Variants in ZFHX2 observed in about 807,000 individuals in gnomAD.
ZFHX2 encodes zinc finger homeobox protein 2.
In ZFHX2, 75 loss-of-function variants were observed where a neutral mutation model predicts 164.8. The ratio of observed to expected loss-of-function variants is 0.46; its 90% CI spans 0.38 to 0.55. The LOEUF is 0.55. ZFHX2 is among the 20% of genes least tolerant of loss of function. The pLI is 0.00. For synonymous variants in ZFHX2, 1,217 were observed against 1,351.4 expected (o/e 0.90, Z 2.18); for missense variants, 2,933 against 3,308.0 (o/e 0.89, Z 2.78).
chr14:23,527,783 TGCAGTATGGACA>T lies in ZFHX2; in HGVS notation c.2944_2955del (p.Cys982_Cys985del). On this transcript the variant is annotated inframe_deletion, in exon 7 of 10. Coordinates refer to ENST00000419474, the MANE Select transcript of ZFHX2 (RefSeq NM_033400.3). The stretch of plus-strand genomic sequence containing the variant: ...TGGCTGGACTCTGGGCTCAGGAAGC[TGCAGTATGGACA>T]GCAGTATACCTGGAGGGAACATATG... 6.5e-7 allele frequency: 1 copy of T among 1,535,890 alleles called. No individual in the cohort carries two copies.
rs578104878 is a variant in ZFHX2 at position 23,525,149 on chromosome 14, G to C, written c.4793C>G (p.Ser1598Cys). ...PPLVPAGRRFSRTKFTEFQTQ... is the reference protein window; with the variant it reads ...PPLVPAGRRFCRTKFTEFQTQ... ...CTGGAACTCTGTGAACTTGGTTCTG[G>C]AGAACCGGCGGCCGGCAGGCACCAG... is the stretch of plus-strand genomic sequence containing the variant. Residue 1598 changes from serine to cysteine, a missense_variant, in exon 9 of 10, where the codon TCC (serine) becomes TGC (cysteine). Ser to Cys is a moderately radical substitution (Grantham distance 112). Transcript: ENST00000419474. The surrounding 1 kb of genome is among the most constrained non-coding windows in gnomAD (Gnocchi z 5.9). 16 of 1,536,144 alleles carry C rather than the reference G, an allele frequency of 1.0e-5. No individual in the cohort carries two copies. In the African/African-American group the frequency reaches 1.5e-4, roughly 14 times the overall value.
chr14:23,535,103 C>T lies in ZFHX2; in HGVS notation c.223G>A (p.Glu75Lys). 1.3e-6 allele frequency: 2 copies of T among 1,536,202 alleles called. No individual in the cohort carries two copies. The highest frequency in any genetic ancestry group is 1.4e-5 in the African/African-American group (1 of 73,166). The change falls in exon 2 of 10, where the codon GAG (glutamate) becomes AAG (lysine). Residue 75 changes from glutamate to lysine, a missense_variant. Coordinates refer to ENST00000419474, the MANE Select transcript of ZFHX2 (RefSeq NM_033400.3). The surrounding 1 kb of genome is among the most constrained non-coding windows in gnomAD (Gnocchi z 4.5). Reference protein sequence around the residue: ...CGLVPPKEIGEPQEGPDCGHF... With the variant: ...CGLVPPKEIGKPQEGPDCGHF... ...CCACAGTCAGGCCCTTCCTGGGGCT[C>T]CCCAATCTCCTTTGGTGGGACGAGG... is the stretch of plus-strand genomic sequence containing the variant.
At position 23,525,388 on chromosome 14, in the gene ZFHX2, C is replaced by T. The variant is rs1311257453; in HGVS notation, c.4554G>A (p.Gln1518=). 2 of 1,536,152 alleles carry T rather than the reference C, an allele frequency of 1.3e-6. No individual in the cohort carries two copies. The highest frequency in any genetic ancestry group is 2.4e-5 in the South Asian group (2 of 84,060). ...ATAGGCTGTCATAGCTCTTTCGAAACTGAGCAGCATAACGGCTCAGGGCTT... is the reference window on the plus strand; with the variant it reads ...ATAGGCTGTCATAGCTCTTTCGAAATTGAGCAGCATAACGGCTCAGGGCTT... ...PFEALSRYAA[Q]FRKSYDSLYP... The change falls in exon 9 of 10, where the codon CAG becomes CAA. Residue 1518 remains glutamine (Q), a synonymous_variant. Transcript: ENST00000419474. The surrounding 1 kb of genome is among the most constrained non-coding windows in gnomAD (Gnocchi z 5.9).
Position 23,535,088 on chromosome 14 carries a change from G to T in ZFHX2, c.238C>A (p.Pro80Thr). 6.5e-7 allele frequency: 1 copy of T among 1,536,208 alleles called. No individual in the cohort carries two copies. The highest frequency in any genetic ancestry group is 8.7e-7 in the Non-Finnish European group (1 of 1,146,910). Residue 80 changes from proline to threonine, a missense_variant, in exon 2 of 10, where the codon CCT becomes ACT. Transcript: ENST00000419474. This position sits in a 1 kb window ranked among gnomAD's most constrained non-coding sequence, Gnocchi z 4.5. ...PKEIGEPQEG[P>T]DCGHFPPNDP... ...TTTGGTGGGAAGTGACCACAGTCAG[G>T]CCCTTCCTGGGGCTCCCCAATCTCC... is the stretch of plus-strand genomic sequence containing the variant.
chr14:23,549,065 TCC>T (rs1881689512), intron 1 of ZFHX2, among the ~76,000 whole-genome samples: 1 of 152,120 alleles, frequency 6.6e-6, no homozygotes, highest in African/African-American at 2.4e-5. Flanking sequence ...ATTCCTCCCT[TCC>T]CCCTCTTTAC....
chr14:23,524,593 G>A lies in ZFHX2; in HGVS notation c.5349C>T (p.Leu1783=), dbSNP rs1406724647. The change falls in exon 9 of 10, where the codon CTC becomes CTT. Residue 1783 remains leucine (L), a synonymous_variant. Coordinates refer to ENST00000419474, the MANE Select transcript of ZFHX2 (RefSeq NM_033400.3). The surrounding 1 kb of genome is among the most constrained non-coding windows in gnomAD (Gnocchi z 5.6). ...AATGTAGTCGGCGGTGACTGGTCAG[G>A]AGGTCCTGGCTGGAGAAAGAAATGG... ...QCAISFSSQD[L]LTSHRRLHFL... 3.3e-6 allele frequency: 5 copies of A among 1,536,240 alleles called. No individual in the cohort carries two copies. In the Admixed American group the frequency reaches 9.8e-5, roughly 30 times the overall value.
intron 7 of ZFHX2, 27 bp from the exon 8 acceptor site, chr14:23,527,000 TCACCAC>T: frequency 6.8e-7 from 1 of 1,480,288 alleles, no homozygotes; most frequent in Admixed American, 2.3e-5. Context: ...CCTAGTGGCT[TCACCAC>T]CACCCCCCAC....
At chr14:23,526,766 G>A in intron 8 of ZFHX2, 81 bp downstream of exon 8, 1 of 1,530,086 alleles carries the variant, frequency 6.5e-7, no homozygotes, top group Non-Finnish European at 8.7e-7. Context: ...GTTGACCTTG[G>A]CCTCAGTCAT....
At chr14:23,549,771 C>G (rs952472749) in intron 1 of ZFHX2, among the ~76,000 whole-genome samples, 1 of 152,142 alleles carries the variant, frequency 6.6e-6, no homozygotes, top group African/African-American at 2.4e-5. Context: ...CCCCTGGAAG[C>G]TCATTAAATT....
chr14:23,523,737 T>G lies in ZFHX2; in HGVS notation c.6205A>C (p.Arg2069=). The change falls in exon 9 of 10, where the codon AGG becomes CGG. Residue 2069 remains arginine, a synonymous_variant. Coordinates refer to ENST00000419474, the MANE Select transcript of ZFHX2 (RefSeq NM_033400.3). The surrounding 1 kb of genome is among the most constrained non-coding windows in gnomAD (Gnocchi z 4.1). The stretch of plus-strand genomic sequence containing the variant: ...AGCTGCAGGCTGCTCATCTGGGTCC[T>G]GTAGCGCCGCTGCCCCATTCCATCT... ...VPDGMGQRRY[R]TQMSSLQLKI... The G allele has an allele frequency of 6.5e-7, 1 of 1,536,284 alleles. No homozygotes were observed. The highest frequency in any genetic ancestry group is 8.7e-7 in the Non-Finnish European group (1 of 1,146,936).
chr14:23,534,286 G>C lies in ZFHX2; in HGVS notation c.1040C>G (p.Ser347Cys). 2 of 1,532,876 alleles carry C rather than the reference G, an allele frequency of 1.3e-6. No individual in the cohort carries two copies. Among genetic ancestry groups the C allele is most frequent in the South Asian group, 1.2e-5 (1 of 83,954 alleles). The allele number at this position is 1,532,876 out of a possible 1,614,324, so 95.0% of individuals were successfully genotyped here. A position where few individuals can be genotyped will look rare whatever the true frequency, so the allele number is the denominator to read the frequency against. Residue 347 changes from serine to cysteine, a missense_variant, in exon 2 of 10, where the codon TCT becomes TGT. Coordinates refer to ENST00000419474, the MANE Select transcript of ZFHX2 (RefSeq NM_033400.3). This position sits in a 1 kb window ranked among gnomAD's most constrained non-coding sequence, Gnocchi z 4.5. ...GGGGTCCCAGGTGGCTGTGGGTGGA[G>C]AGGGTGGGCTGAGGGCCATAACTTC... ...DEEVMALSPP[S>C]PPTATWDPSP... is the part of the protein sequence containing the mutation.
chr14:23,552,350 G>C (rs1386163213), upstream of ZFHX2, among the ~76,000 whole-genome samples: 2 of 150,200 alleles, frequency 1.3e-5, no homozygotes, highest in Admixed American at 6.6e-5. Flanking sequence ...TTGGAGTGCA[G>C]TGGTGCGATC....
rs1166297289 is a variant in ZFHX2 at position 23,522,197 on chromosome 14, T to G, written c.7484A>C (p.Tyr2495Ser). The change falls in exon 10 of 10, where the codon TAC becomes TCC. Residue 2495 changes from tyrosine (Y) to serine (S), a missense_variant. Transcript: ENST00000419474. The stretch of plus-strand genomic sequence containing the variant: ...CAGCACCTCACATGCCAGGCAGTGG[T>G]AGGTGCAGATGGGCACCCGCAATGG... ...PPPLRVPICTYHCLACEVLLS... is the reference protein window; with the variant it reads ...PPPLRVPICTSHCLACEVLLS... 3.4e-6 allele frequency: 5 copies of G among 1,488,482 alleles called. No individual in the cohort carries two copies. 92.2% of individuals were successfully genotyped at this position (1,488,482 alleles called of 1,614,324 possible).
At chr14:23,529,143 G>A (rs748146420) in intron 6 of ZFHX2, among the ~76,000 whole-genome samples, 11 of 152,230 alleles carry the variant, frequency 7.2e-5, no homozygotes, top group Non-Finnish European at 1.6e-4. Context: ...TCAAACCAGA[G>A]GCTGGGAATC....
At position 23,532,744 on chromosome 14, in the gene ZFHX2, C is replaced by G. The variant is rs745814148; in HGVS notation, c.2382G>C (p.Glu794Asp). The G allele has an allele frequency of 3.3e-6, 5 of 1,536,116 alleles. No individual in the cohort carries two copies. In the East Asian group the frequency reaches 7.3e-5, roughly 23 times the overall value. ...QKYQLAAHLR[E>D]GGGAMGTPSP... ...AAGGGGTGCCCATGGCTCCACCCCCCTCCCGCAGGTGGGCTGCCAGCTGGT... is the reference window on the plus strand; with the variant it reads ...AAGGGGTGCCCATGGCTCCACCCCCGTCCCGCAGGTGGGCTGCCAGCTGGT... The change falls in exon 3 of 10, where the codon GAG becomes GAC. Residue 794 changes from glutamate to aspartate, a missense_variant. Transcript: ENST00000419474.
Position 23,522,685 on chromosome 14 carries a change from T to A in ZFHX2, c.6996A>T (p.Ala2332=), listed in dbSNP as rs1161801808. 1 of 1,536,428 alleles carries A rather than the reference T, an allele frequency of 6.5e-7. No individual in the cohort carries two copies. The highest frequency in any genetic ancestry group is 8.7e-7 in the Non-Finnish European group (1 of 1,146,946). Residue 2332 remains alanine (A), a synonymous_variant, in exon 10 of 10, where the codon GCA becomes GCT. Coordinates refer to ENST00000419474, the MANE Select transcript of ZFHX2 (RefSeq NM_033400.3). ...ACAGGGCTGGGACAGTGGTCTTCAATGCTTTGAGGTTCTTGAGGGCATCAT... is the reference window on the plus strand; with the variant it reads ...ACAGGGCTGGGACAGTGGTCTTCAAAGCTTTGAGGTTCTTGAGGGCATCAT... ...SSNDALKNLK[A]LKTTVPALLG... is the part of the protein sequence containing the mutation.
Position 23,535,436 on chromosome 14 carries a change from G to A in ZFHX2, c.-49-62C>T. On this transcript the variant is annotated intron_variant, in intron 1 of 9. Coordinates refer to ENST00000419474, the MANE Select transcript of ZFHX2 (RefSeq NM_033400.3). This position sits in a 1 kb window ranked among gnomAD's most constrained non-coding sequence, Gnocchi z 4.5. ...TGCAGGGACCCCAGCTGGGCAGCTGGATCTCTGGATACTCCTGCCCCATCC... is the reference window on the plus strand; with the variant it reads ...TGCAGGGACCCCAGCTGGGCAGCTGAATCTCTGGATACTCCTGCCCCATCC... 7.5e-7 allele frequency: 1 copy of A among 1,325,196 alleles called. No individual in the cohort carries two copies. The highest frequency in any genetic ancestry group is 9.8e-7 in the Non-Finnish European group (1 of 1,016,220). The allele number at this position is 1,325,196 out of a possible 1,614,324, so 82.1% of individuals were successfully genotyped here. A position where few individuals can be genotyped will look rare whatever the true frequency, so the allele number is the denominator to read the frequency against.
At chr14:23,554,881 T>TA (rs1281146045), upstream of ZFHX2, among the ~76,000 whole-genome samples, 9 of 152,176 alleles carry the variant, frequency 5.9e-5, no homozygotes, top group African/African-American at 1.9e-4. Context: ...GACATATAGT[T>TA]AGAGTCTCCA....
chr14:23,534,013 G>A lies in ZFHX2; in HGVS notation c.1313C>T (p.Ser438Phe). Residue 438 changes from serine to phenylalanine, a missense_variant, in exon 2 of 10, where the codon TCC (serine) becomes TTC (phenylalanine). Physicochemically the swap from Ser to Phe is radical, Grantham distance 155 (BLOSUM62 -2). Transcript: ENST00000419474. The surrounding 1 kb of genome is among the most constrained non-coding windows in gnomAD (Gnocchi z 4.5). ...APAAFQGLSL[S>F]SHMSLLHSRN... Reference sequence around the variant, plus strand: ...TGAGTGGAGCAGGGACATGTGGCTGGACAGGCTGAGGCCCTGGAAGGCTGC... The same window carrying A: ...TGAGTGGAGCAGGGACATGTGGCTGAACAGGCTGAGGCCCTGGAAGGCTGC... 6.5e-7 allele frequency: 1 copy of A among 1,537,108 alleles called. No homozygotes were observed. Among genetic ancestry groups the A allele is most frequent in the Non-Finnish European group, 8.7e-7 (1 of 1,146,838 alleles).
Sources: gnomAD v4.1 joint callset for allele counts (sites outside exome capture counted in the v4.1 genomes callset) on GRCh38, gnomAD v4.1.1 for gene constraint, Gnocchi (gnomAD v3.1) non-coding constraint, MANE v1.5 for transcripts, NCBI Gene and HGNC (gene_info 2026-07-23, HGNC 2026-07-21) for gene names.